The following GPC5 variants were observed in gnomAD, a reference collection of about 807,000 sequenced individuals.
GPC5 encodes glypican 5.
Under a neutral mutation model 53.9 loss-of-function variants are expected in GPC5, and 47 were observed. The observed-to-expected ratio is 0.87, with a 90% CI of 0.69 to 1.11. The LOEUF (loss-of-function observed/expected upper bound fraction) is 1.11, where lower values mean the gene tolerates loss of function less well. GPC5 is among the 50% of genes most tolerant of loss of function. The probability of loss-of-function intolerance (pLI) is 0.00; values close to 1 mark genes in which losing one functional copy is unlikely to be tolerated. For missense variants in GPC5, 748 were observed against 713.1 expected, an observed-to-expected ratio of 1.05 and a Z score of -0.56; for synonymous variants, 286 against 263.3, an observed-to-expected ratio of 1.09 and a Z score of -0.84.
At chr13:92,231,034 G>C (rs7334533) in intron 7 of GPC5, among the ~76,000 whole-genome samples, 1 of 152,018 alleles carries the variant, frequency 6.6e-6, no homozygotes, top group South Asian at 2.1e-4. Context: ...CAAGGGTTGG[G>C]CTTTGCTCTT....
intron 2 of GPC5, among the ~76,000 whole-genome samples, chr13:91,467,527 T>C (rs1262687907): frequency 1.3e-5 from 2 of 152,180 alleles, no homozygotes; most frequent in Non-Finnish European, 2.9e-5. Context: ...CTCAGTTCTC[T>C]GCCCCTTTCT....
intron 5 of GPC5, among the ~76,000 whole-genome samples, chr13:91,763,734 G>A (rs998034600): frequency 1.1e-4 from 17 of 152,002 alleles, no homozygotes; most frequent in Non-Finnish European, 1.9e-4. Context: ...CACTTTCTTG[G>A]TAGGTAATTT....
At chr13:92,698,488 A>C (rs1475956171) in intron 7 of GPC5, among the ~76,000 whole-genome samples, 2 of 152,182 alleles carry the variant, frequency 1.3e-5, no homozygotes, top group African/African-American at 4.8e-5. Context: ...CCTACAAAGG[A>C]CATGAACTCA....
At chr13:92,261,192 C>A (rs866405753) in intron 7 of GPC5, among the ~76,000 whole-genome samples, 15 of 152,078 alleles carry the variant, frequency 9.9e-5, no homozygotes, top group Non-Finnish European at 1.6e-4. Flanking sequence ...AGAAAAGTGA[C>A]AACTGAACAC....
At chr13:91,697,594 GTC>G (rs2035906907) in intron 3 of GPC5, among the ~76,000 whole-genome samples, 1 of 151,980 alleles carries the variant, frequency 6.6e-6, no homozygotes, top group Non-Finnish European at 1.5e-5. Context: ...TATTAGACAA[GTC>G]TCTAACGTAT....
intron 5 of GPC5, among the ~76,000 whole-genome samples, chr13:91,858,971 T>C (rs9523435): frequency 0.33 from 49,616 of 151,366 alleles, 9,620 homozygotes; most frequent in East Asian, 0.64. Flanking sequence ...TAATGATCCT[T>C]AGAATTTCTA....
At chr13:92,281,924 A>T (rs931656617) in intron 7 of GPC5, among the ~76,000 whole-genome samples, 2 of 151,806 alleles carry the variant, frequency 1.3e-5, no homozygotes, top group African/African-American at 4.8e-5. Flanking sequence ...TGAGAGAAGA[A>T]GGCTTCAGAC....
intron 7 of GPC5, among the ~76,000 whole-genome samples, chr13:92,165,068 T>C (rs1265671606): frequency 6.6e-6 from 1 of 152,112 alleles, no homozygotes; most frequent in Non-Finnish European, 1.5e-5. Context: ...CCTGATCCTC[T>C]AGGCCTGTGA....
chr13:91,484,170 A>C (rs561134071), intron 2 of GPC5, among the ~76,000 whole-genome samples: 84 of 152,226 alleles, frequency 5.5e-4, no homozygotes, highest in African/African-American at 2.0e-3. Flanking sequence ...ACTTAAGTTA[A>C]TTTTCATTGC....
At chr13:92,522,948 T>A (rs1162495518) in intron 7 of GPC5, among the ~76,000 whole-genome samples, 3 of 152,122 alleles carry the variant, frequency 2.0e-5, no homozygotes, top group African/African-American at 7.2e-5. Context: ...CAATGTTTTA[T>A]GGAAAACAAT....
chr13:92,026,677 T>C (rs1237016897), intron 6 of GPC5, among the ~76,000 whole-genome samples: 1 of 152,110 alleles, frequency 6.6e-6, no homozygotes, highest in African/African-American at 2.4e-5. Context: ...AGTGAGAATA[T>C]GTTGTTAAAA....
chr13:91,846,870 A>T (rs1566300788), intron 5 of GPC5, among the ~76,000 whole-genome samples: 1 of 152,072 alleles, frequency 6.6e-6, no homozygotes, highest in East Asian at 1.9e-4. Context: ...AAAAAATTAG[A>T]TTGTTGGAGT....
At chr13:92,645,854 A>T (rs71427586) in intron 7 of GPC5, among the ~76,000 whole-genome samples, 37,910 of 151,526 alleles carry the variant, frequency 0.25, 5,201 homozygotes, top group South Asian at 0.39. Context: ...ATTTTACCTA[A>T]TTTTTTTAAC....
Position 91,398,995 on chromosome 13 carries a change from G to A in GPC5, c.-52G>A. 6.6e-7 allele frequency: 1 copy of A among 1,521,834 alleles called. No individual in the cohort carries two copies. The highest frequency in any genetic ancestry group is 1.2e-5 in the South Asian group (1 of 81,778). 94.3% of individuals were successfully genotyped at this position (1,521,834 alleles called of 1,614,324 possible). A position where few individuals can be genotyped will look rare whatever the true frequency, so the allele number is the denominator to read the frequency against. ...TCCACGTCTGCAGCTCAGCCAGGGCGCGCAGGGCGAGTGGGGTCCACTGGC... is the reference window on the plus strand; with the variant it reads ...TCCACGTCTGCAGCTCAGCCAGGGCACGCAGGGCGAGTGGGGTCCACTGGC... On this transcript the variant is annotated 5_prime_UTR_variant, in exon 1 of 8. Coordinates refer to ENST00000377067, the MANE Select transcript of GPC5 (RefSeq NM_004466.6).
intron 7 of GPC5, among the ~76,000 whole-genome samples, chr13:92,315,531 A>G (rs897972473): frequency 3.9e-5 from 6 of 152,188 alleles, no homozygotes; most frequent in Non-Finnish European, 7.4e-5. Context: ...TTCCGAAGTC[A>G]GTTGGTTGTG....
At chr13:91,719,314 G>C in intron 3 of GPC5, among the ~76,000 whole-genome samples, 1 of 152,200 alleles carries the variant, frequency 6.6e-6, no homozygotes, top group East Asian at 1.9e-4. Context: ...GCCGCCCCTA[G>C]GTCCTTGAAT....
intron 6 of GPC5, among the ~76,000 whole-genome samples, chr13:92,054,716 T>G (rs2041060707): frequency 6.6e-6 from 1 of 152,214 alleles, no homozygotes; most frequent in Non-Finnish European, 1.5e-5. Context: ...ATAATTTTTG[T>G]GAGGCTGTTT....
chr13:91,987,170 C>A (rs2040415837), intron 6 of GPC5, among the ~76,000 whole-genome samples: 1 of 152,160 alleles, frequency 6.6e-6, no homozygotes, highest in South Asian at 2.1e-4. Context: ...TAAGATATTA[C>A]CCCCAGTCAA....
intron 5 of GPC5, among the ~76,000 whole-genome samples, chr13:91,867,356 C>G (rs73614161): frequency 6.6e-6 from 1 of 152,208 alleles, no homozygotes; most frequent in African/African-American, 2.4e-5. Flanking sequence ...CTCTAATCTT[C>G]TACACCTTTT....
Sources: allele counts gnomAD v4.1 joint callset (sites outside exome capture counted in the v4.1 genomes callset), GRCh38; gene constraint gnomAD v4.1.1; transcripts MANE v1.5; gene names NCBI Gene and HGNC (gene_info 2026-07-23, HGNC 2026-07-21).